Variants in SLC44A5 observed in about 807,000 individuals in gnomAD.
SLC44A5 encodes the protein choline transporter-like protein 5.
A neutral mutation model predicts 101.8 loss-of-function variants in SLC44A5; 57 were observed. The ratio of observed to expected loss-of-function variants is 0.56; its 90% confidence interval spans 0.45 to 0.70. The LOEUF is 0.70. Ranked by LOEUF, SLC44A5 falls within the 30% of genes least tolerant of loss-of-function variation. The pLI, the probability that SLC44A5 is intolerant of heterozygous loss-of-function variation, is 0.00. For missense variants in SLC44A5, 737 were observed against 853.1 expected (o/e 0.86, Z 1.70); for synonymous variants, 281 against 290.9 (o/e 0.97, Z 0.35).
intron 4 of SLC44A5, among the ~76,000 whole-genome samples, chr1:75,304,498 G>C (rs139409386): frequency 6.6e-6 from 1 of 152,270 alleles, no homozygotes; most frequent in East Asian, 1.9e-4. Flanking sequence ...GTCAAGGAAA[G>C]TAGCAGAAAC....
intron 12 of SLC44A5, among the ~76,000 whole-genome samples, chr1:75,230,880 T>C (rs1647493017): frequency 6.6e-6 from 1 of 152,198 alleles, no homozygotes; most frequent in East Asian, 1.9e-4. Flanking sequence ...CCTCCCACAG[T>C]GCTAGGATTA....
At chr1:75,290,230 CT>C (rs373644940) in intron 5 of SLC44A5, among the ~76,000 whole-genome samples, 1 of 152,328 alleles carries the variant, frequency 6.6e-6, no homozygotes, top group Non-Finnish European at 1.5e-5. Context: ...GAATAACCCC[CT>C]GATGAGCCAG....
intron 1 of SLC44A5, among the ~76,000 whole-genome samples, chr1:75,564,109 A>G (rs1672658897): frequency 6.6e-6 from 1 of 152,208 alleles, no homozygotes; most frequent in South Asian, 2.1e-4. Flanking sequence ...AGAACACTGT[A>G]CAAATACACA....
intron 2 of SLC44A5, among the ~76,000 whole-genome samples, chr1:75,484,244 C>T (rs1256234951): frequency 2.6e-5 from 4 of 152,156 alleles, no homozygotes; most frequent in Admixed American, 6.6e-5. Context: ...CACCTATAAG[C>T]CTGTAAAATC....
At chr1:75,278,868 T>C (rs1231785638) in intron 5 of SLC44A5, among the ~76,000 whole-genome samples, 1 of 152,182 alleles carries the variant, frequency 6.6e-6, no homozygotes, top group Admixed American at 6.6e-5. Flanking sequence ...ATTCCCTTGG[T>C]ACTTATTGCA....
At chr1:75,252,507 A>G (rs558682917) in intron 6 of SLC44A5, among the ~76,000 whole-genome samples, 1 of 152,292 alleles carries the variant, frequency 6.6e-6, no homozygotes, top group African/African-American at 2.4e-5. Flanking sequence ...GCAGGATACA[A>G]CCAATGATTG....
At position 75,578,435 on chromosome 1, in the gene SLC44A5, T is replaced by C. The variant is rs55694101; in HGVS notation, c.-70+32605A>G. ...TAGAGATAGACAGATGATTGATAGA[T>C]AGATAGATAGACATAAAATAGAATA... On this transcript the variant is annotated intron_variant, in intron 1 of 23. Coordinates refer to ENST00000370859, the MANE Select transcript of SLC44A5 (RefSeq NM_001130058.2). Among the ~76,000 whole-genome samples the C allele has an allele frequency of 2.6e-3, 390 of 152,180 alleles. 1 individual carries two copies. Among genetic ancestry groups the C allele is most frequent in the African/African-American group, 9.0e-3 (376 of 41,552 alleles).
chr1:75,509,081 G>A (rs780139211), intron 2 of SLC44A5, among the ~76,000 whole-genome samples: 1 of 152,214 alleles, frequency 6.6e-6, no homozygotes, highest in Non-Finnish European at 1.5e-5. Flanking sequence ...AGACTGGCAT[G>A]GGCCTTCAGA....
At chr1:75,446,645 G>T (rs1346273907) in intron 2 of SLC44A5, among the ~76,000 whole-genome samples, 1 of 125,626 alleles carries the variant, frequency 8.0e-6, no homozygotes, top group Non-Finnish European at 1.6e-5. Flanking sequence ...ATAGTGCCTG[G>T]CTATACACAC....
intron 2 of SLC44A5, among the ~76,000 whole-genome samples, chr1:75,469,463 G>GA (rs78380002): frequency 2.1e-4 from 31 of 149,320 alleles, no homozygotes; most frequent in Middle Eastern, 3.4e-3. Flanking sequence ...AGCATTCCCA[G>GA]AAAAAAAAAA....
At chr1:75,641,853 C>T in the SLC44A5 span, 1 of 1,510,080 alleles carries the variant, frequency 6.6e-7, no homozygotes, top group South Asian at 1.1e-5. Context: ...ACCTCCTCTT[C>T]AAATACCACT....
At chr1:75,720,277 T>C in the SLC44A5 span, 1 of 152,196 alleles carries the variant, frequency 6.6e-6, no homozygotes, top group Non-Finnish European at 1.5e-5. Context: ...GAAACGTTAA[T>C]GTGTCAGCCT....
chr1:75,258,932 G>A (rs932036496), intron 6 of SLC44A5, among the ~76,000 whole-genome samples: 11 of 152,074 alleles, frequency 7.2e-5, no homozygotes, highest in Non-Finnish European at 1.6e-4. Context: ...TGCAGCAGAG[G>A]GGCCTTACTG....
intron 4 of SLC44A5, among the ~76,000 whole-genome samples, chr1:75,313,276 T>C (rs1325586296): frequency 6.6e-6 from 1 of 152,200 alleles, no homozygotes; most frequent in Non-Finnish European, 1.5e-5. Flanking sequence ...GATTTCTCTC[T>C]AACGGTTTTT....
chr1:75,414,418 A>G (rs1212177809), intron 2 of SLC44A5, among the ~76,000 whole-genome samples: 2 of 151,992 alleles, frequency 1.3e-5, no homozygotes, highest in African/African-American at 2.4e-5. Context: ...GATTCTTTTA[A>G]TCCAAAAATA....
chr1:75,234,249 A>G, intron 11 of SLC44A5, 151 bp from the exon 12 acceptor site: 2 of 642,848 alleles, frequency 3.1e-6, no homozygotes, highest in South Asian at 1.9e-5. Context: ...TAAAAAGTGT[A>G]AACAATGATT....
At position 75,203,142 on chromosome 1, in the gene SLC44A5, A is replaced by G. The variant is rs990081862; in HGVS notation, c.*585T>C. On this transcript the variant is annotated 3_prime_UTR_variant, in exon 24 of 24. Transcript: ENST00000370859. ...TAAACTTGCCCATAAAAGCTGGGTA[A>G]TATTAAATAGCCAGTAAGGCACTTT... 3.3e-5 allele frequency: 5 copies of G among 152,198 alleles called. No individual in the cohort carries two copies. The highest frequency in any genetic ancestry group is 7.2e-5 in the African/African-American group (3 of 41,468). 9.4% of individuals were successfully genotyped at this position (152,198 alleles called of 1,614,324 possible). A position where few individuals can be genotyped will look rare whatever the true frequency, so the allele number is the denominator to read the frequency against.
chr1:75,482,447 AG>A, intron 2 of SLC44A5, among the ~76,000 whole-genome samples: 1 of 152,200 alleles, frequency 6.6e-6, no homozygotes, highest in African/African-American at 2.4e-5. Context: ...ATAAAAAAAA[AG>A]AATTCTACCT....
At chr1:75,496,644 T>C (rs1570450492) in intron 2 of SLC44A5, among the ~76,000 whole-genome samples, 2 of 147,592 alleles carry the variant, frequency 1.4e-5, no homozygotes, top group African/African-American at 2.5e-5. Context: ...GACTACATCA[T>C]GCTAAAAACA....
Sources: allele counts gnomAD v4.1 joint callset (sites outside exome capture counted in the v4.1 genomes callset), GRCh38; gene constraint gnomAD v4.1.1; transcripts MANE v1.5; gene names NCBI Gene and HGNC (gene_info 2026-07-23, HGNC 2026-07-21).